TMEM117: variants seen among roughly 807,000 people sequenced by gnomAD.
TMEM117 encodes the protein transmembrane protein 117.
A neutral mutation model predicts 52.4 loss-of-function variants in TMEM117; 27 were observed. The observed-to-expected ratio is 0.51, with a 90% confidence interval of 0.38 to 0.71. The LOEUF is 0.71. Among genes scored for constraint, TMEM117 ranks in the 30% least tolerant of loss-of-function variants. The pLI, the probability that TMEM117 is intolerant of heterozygous loss-of-function variation, is 0.00. For synonymous variants in TMEM117, 215 were observed against 206.3 expected (o/e 1.04, Z -0.36); for missense variants, 556 against 630.5 (o/e 0.88, Z 1.26).
intron 3 of TMEM117, among the ~76,000 whole-genome samples, chr12:43,977,158 G>A (rs1326633326): frequency 1.3e-5 from 2 of 152,168 alleles, no homozygotes; most frequent in Non-Finnish European, 2.9e-5. Flanking sequence ...GAGTTGTGAT[G>A]TACAACAGAG....
chr12:44,111,637 A>C (rs1592526780), intron 3 of TMEM117, among the ~76,000 whole-genome samples: 1 of 120,924 alleles, frequency 8.3e-6, no homozygotes, highest in Admixed American at 8.1e-5. Flanking sequence ...CTATGTGGTC[A>C]ATTTTGGAAT....
intron 3 of TMEM117, among the ~76,000 whole-genome samples, chr12:44,108,190 A>AATTTATTTATTT (rs556684583): frequency 6.6e-6 from 1 of 151,704 alleles, no homozygotes; most frequent in Non-Finnish European, 1.5e-5. Flanking sequence ...ACTTGTACCA[A>AATTTATTTATTT]ATTTATTTAT....
chr12:44,148,229 G>A (rs559402169), intron 4 of TMEM117, among the ~76,000 whole-genome samples: 10 of 152,304 alleles, frequency 6.6e-5, no homozygotes, highest in Admixed American at 2.6e-4. Context: ...TATAGTGACC[G>A]TCTGTTTATA....
the TMEM117 span, among the ~76,000 whole-genome samples, chr12:43,810,370 A>G: frequency 6.6e-6 from 1 of 152,180 alleles, no homozygotes; most frequent in Admixed American, 6.5e-5. Flanking sequence ...ATTAACACCC[A>G]AAAACCTTCC....
intron 4 of TMEM117, among the ~76,000 whole-genome samples, chr12:44,177,946 G>T (rs1363913879): frequency 6.6e-6 from 1 of 152,020 alleles, no homozygotes; most frequent in Admixed American, 6.6e-5. Flanking sequence ...TGTGATTATT[G>T]TTCCAACTGT....
chr12:43,884,622 T>C (rs1406831746), intron 2 of TMEM117, among the ~76,000 whole-genome samples: 1 of 152,212 alleles, frequency 6.6e-6, no homozygotes, highest in Non-Finnish European at 1.5e-5. Flanking sequence ...GTCTCTACCA[T>C]CTTCCATATT....
chr12:43,995,741 G>A (rs1009011764), intron 3 of TMEM117, among the ~76,000 whole-genome samples: 1 of 152,096 alleles, frequency 6.6e-6, no homozygotes, highest in Non-Finnish European at 1.5e-5. Context: ...AATACTGAAT[G>A]CTCAGATATC....
At chr12:43,920,834 G>A (rs1039537829) in intron 2 of TMEM117, among the ~76,000 whole-genome samples, 2 of 152,048 alleles carry the variant, frequency 1.3e-5, no homozygotes, top group Non-Finnish European at 2.9e-5. Context: ...TGACAATCTA[G>A]TTATTTGTTA....
intron 5 of TMEM117, among the ~76,000 whole-genome samples, chr12:44,242,052 T>C (rs564095745): frequency 1.1e-3 from 161 of 151,990 alleles, no homozygotes; most frequent in Middle Eastern, 3.4e-3. Flanking sequence ...CTGCATGGAG[T>C]TCAGAAATCT....
intron 5 of TMEM117, among the ~76,000 whole-genome samples, chr12:44,231,257 C>T (rs1949928957): frequency 2.0e-5 from 3 of 151,814 alleles, no homozygotes; most frequent in Admixed American, 6.6e-5. Flanking sequence ...TCTGTGTTTT[C>T]CTTTTTTCAC....
At chr12:44,303,596 C>T (rs1326807443) in intron 6 of TMEM117, among the ~76,000 whole-genome samples, 1 of 152,274 alleles carries the variant, frequency 6.6e-6, no homozygotes. Context: ...TGTAACGTGA[C>T]TCACACATGC....
chr12:44,034,208 C>G lies in TMEM117; in HGVS notation c.410+89866C>G, dbSNP rs929694496. On this transcript the variant is annotated intron_variant, in intron 3 of 7. Coordinates refer to ENST00000266534, the MANE Select transcript of TMEM117 (RefSeq NM_032256.3). ...TTTTACATCTGAAAAAACCCTCCTG[C>G]TACATACATAGAGAAATGCTAGGTT... Among the ~76,000 whole-genome samples the G allele has an allele frequency of 2.6e-5, 4 of 152,238 alleles. No homozygotes were observed. In the East Asian group the frequency reaches 5.8e-4, roughly 22 times the overall value.
chr12:43,876,381 A>G (rs111784409), intron 2 of TMEM117, among the ~76,000 whole-genome samples: 1 of 152,162 alleles, frequency 6.6e-6, no homozygotes, highest in African/African-American at 2.4e-5. Flanking sequence ...TTGTCTTGTC[A>G]TTTCTAGGGT....
intron 3 of TMEM117, among the ~76,000 whole-genome samples, chr12:43,993,364 G>A (rs1423137954): frequency 2.0e-5 from 3 of 152,126 alleles, no homozygotes; most frequent in African/African-American, 7.2e-5. Context: ...GCTCAACAAC[G>A]GGTGTTTGTT....
intron 5 of TMEM117, among the ~76,000 whole-genome samples, chr12:44,237,778 G>A (rs1208231138): frequency 1.3e-5 from 2 of 151,894 alleles, no homozygotes; most frequent in African/African-American, 4.8e-5. Flanking sequence ...ATCATTATCT[G>A]ATATAATTCA....
chr12:43,820,523 T>C, the TMEM117 span, among the ~76,000 whole-genome samples: 12,804 of 150,962 alleles, frequency 0.085, 622 homozygotes, highest in African/African-American at 0.11. Context: ...TCCGCCCACC[T>C]CAGCCTCCCA....
chr12:44,263,821 G>A (rs1251100816), intron 5 of TMEM117: 1 of 152,046 alleles, frequency 6.6e-6, no homozygotes, highest in African/African-American at 2.4e-5. Context: ...CACTGTGCAT[G>A]GAAAATATAA....
intron 2 of TMEM117, among the ~76,000 whole-genome samples, chr12:43,896,009 A>C (rs2137490680): frequency 6.6e-6 from 1 of 152,280 alleles, no homozygotes; most frequent in East Asian, 1.9e-4. Flanking sequence ...GATGGTGCCC[A>C]TTCAGATTGA....
chr12:44,166,167 A>T (rs1305394273), intron 4 of TMEM117, among the ~76,000 whole-genome samples: 5 of 152,212 alleles, frequency 3.3e-5, no homozygotes, highest in Non-Finnish European at 7.3e-5. Context: ...ATAGTTCTTG[A>T]AACAAATGAA....
Sources: allele counts gnomAD v4.1 joint callset (sites outside exome capture counted in the v4.1 genomes callset), GRCh38; gene constraint gnomAD v4.1.1; transcripts MANE v1.5; gene names NCBI Gene and HGNC (gene_info 2026-07-23, HGNC 2026-07-21).